The following ASS1 variants were observed in gnomAD, a reference collection of about 807,000 sequenced individuals.
The protein encoded by ASS1 is argininosuccinate synthase 1, also known as argininosuccinate synthase.
Under a neutral mutation model 60.5 loss-of-function variants are expected in ASS1, and 58 were observed. The observed-to-expected ratio is 0.96, with a 90% confidence interval of 0.78 to 1.19. The LOEUF is 1.19. Among genes scored for constraint, ASS1 ranks in the 50% most tolerant of loss-of-function variants. The pLI, the probability that ASS1 is intolerant of heterozygous loss-of-function variation, is 0.00. For missense variants in ASS1, 454 were observed against 547.3 expected (o/e 0.83, Z 1.70); for synonymous variants, 200 against 206.9 (o/e 0.97, Z 0.29).
rs1343459392 is a variant in ASS1, at chr9:130,452,340, G to A, written c.105+7G>A. On this transcript the variant is annotated splice_region_variant and intron_variant, in intron 2 of 14. Transcript: ENST00000352480. The stretch of plus-strand genomic sequence containing the variant: ...TGACGTCATTGCCTATCTGGTGAGG[G>A]AGCGACCTGGGTGTCTGTCTTCCTG... 3 of 1,611,850 alleles carry A rather than the reference G, an allele frequency of 1.9e-6. No individual in the cohort carries two copies. The highest frequency in any genetic ancestry group is 1.3e-5 in the African/African-American group (1 of 74,900).
chr9:130,464,693 C>T (rs1310486431), intron 5 of ASS1, among the ~76,000 whole-genome samples: 7 of 152,280 alleles, frequency 4.6e-5, no homozygotes, highest in African/African-American at 1.2e-4. Context: ...GGGCCTCAAC[C>T]GCCCTGGCCC....
chr9:130,490,057 G>A (rs1053530508), intron 12 of ASS1, among the ~76,000 whole-genome samples: 1 of 152,246 alleles, frequency 6.6e-6, no homozygotes, highest in Admixed American at 6.5e-5. Flanking sequence ...CACAGGGCCT[G>A]AGCCCTGTCA....
Position 130,464,182 on chromosome 9 carries a change from C to T in ASS1, c.420+15C>T. The T allele has an allele frequency of 6.2e-7, 1 of 1,613,872 alleles. No individual in the cohort carries two copies. Among genetic ancestry groups the T allele is most frequent in the Non-Finnish European group, 8.5e-7 (1 of 1,179,718 alleles). On this transcript the variant is annotated intron_variant, in intron 5 of 14. Coordinates refer to ENST00000352480, the MANE Select transcript of ASS1 (RefSeq NM_054012.4). ...CCCAGATAAAGGTAGGATGTGGCTC[C>T]TCCCCTTAGCAGGGAGCACTAGCAT...
chr9:130,466,898 G>A (rs922162940), intron 6 of ASS1, 99 bp downstream of exon 6: 4 of 1,377,050 alleles, frequency 2.9e-6, no homozygotes, highest in African/African-American at 2.9e-5. Context: ...CCTAGGCCGG[G>A]ACTGACCCCA....
chr9:130,464,301 G>A (rs2131879879), intron 5 of ASS1, 134 bp downstream of exon 5: 3 of 1,110,608 alleles, frequency 2.7e-6, no homozygotes, highest in Non-Finnish European at 4.0e-6. Flanking sequence ...CCCATCGGGT[G>A]GACAGCCTGC....
intron 1 of ASS1, among the ~76,000 whole-genome samples, chr9:130,448,444 AC>A (rs1845250507): frequency 3.4e-5 from 5 of 146,400 alleles, no homozygotes; most frequent in South Asian, 2.2e-4. Context: ...ACACACACAC[AC>A]TGTCTCAGGT....
chr9:130,486,591 A>G (rs1846310736), intron 11 of ASS1, among the ~76,000 whole-genome samples: 1 of 152,178 alleles, frequency 6.6e-6, no homozygotes, highest in East Asian at 1.9e-4. Context: ...GAGGGATTTG[A>G]GGGCTTGGAT....
rs1202617472 is a variant in ASS1 at position 130,489,172 on chromosome 9, G to A, written c.839-161G>A. On this transcript the variant is annotated intron_variant, in intron 11 of 14. Transcript: ENST00000352480. This position sits in a 1 kb window ranked among gnomAD's most constrained non-coding sequence, Gnocchi z 4.1. ...CCCCAGCATGAACATAATGACAGAT[G>A]CATTTTGCAGCAAGCTGGGAGTGAA... Among the ~76,000 whole-genome samples the A allele has an allele frequency of 1.3e-5, 2 of 152,036 alleles. No homozygotes were observed. Among genetic ancestry groups the A allele is most frequent in the African/African-American group, 4.8e-5 (2 of 41,416 alleles).
At position 130,477,537 on chromosome 9, in the gene ASS1, C is replaced by T. The variant is rs1165490179; in HGVS notation, c.688+576C>T. Among the ~76,000 whole-genome samples, 7 of 152,214 alleles carry T rather than the reference C, an allele frequency of 4.6e-5. No homozygotes were observed. The highest frequency in any genetic ancestry group is 7.2e-5 in the African/African-American group (3 of 41,440). On this transcript the variant is annotated intron_variant, in intron 9 of 14. Transcript: ENST00000352480. This position sits in a 1 kb window ranked among gnomAD's most constrained non-coding sequence, Gnocchi z 4.2. Reference sequence around the variant, plus strand: ...CCTCGGCAGTGGAGGCTGTCCTGATCGCTCCCTCCTTCTCACTGCTGTCAA... The same window carrying T: ...CCTCGGCAGTGGAGGCTGTCCTGATTGCTCCCTCCTTCTCACTGCTGTCAA...
intron 1 of ASS1, among the ~76,000 whole-genome samples, chr9:130,446,414 G>A (rs1456389575): frequency 1.3e-5 from 2 of 152,108 alleles, no homozygotes; most frequent in Non-Finnish European, 2.9e-5. Flanking sequence ...TAGGCCCAAG[G>A]CCTAGGGCGG....
chr9:130,463,869 G>A (rs566054617), intron 4 of ASS1, among the ~76,000 whole-genome samples: 3 of 151,532 alleles, frequency 2.0e-5, no homozygotes, highest in African/African-American at 7.3e-5. Context: ...GGGGTCAGAT[G>A]TGTCCTGCAC....
chr9:130,454,383 G>A lies in ASS1; in HGVS notation c.174+10G>A, dbSNP rs371597908. On this transcript the variant is annotated intron_variant, in intron 3 of 14. Coordinates refer to ENST00000352480, the MANE Select transcript of ASS1 (RefSeq NM_054012.4). ...GCTTGGGGCCAAAAAGGTACCAGGC[G>A]GGAGGCAGGGATTTGGGCTGGGAGT... 133 of 1,612,752 alleles carry A rather than the reference G, an allele frequency of 8.2e-5. No homozygotes were observed. The highest frequency in any genetic ancestry group is 9.5e-5 in the Non-Finnish European group (112 of 1,179,344).
rs1481058496 is a variant in ASS1, at chr9:130,476,580, C to G, written c.598-291C>G. On this transcript the variant is annotated intron_variant, in intron 8 of 14. Transcript: ENST00000352480. The surrounding 1 kb of genome is among the most constrained non-coding windows in gnomAD (Gnocchi z 4.9). ...CCTCCAAAGTCACACTTTTTCCTGC[C>G]TGACTTGTTCCTCTCCAGCTATTCT... The G allele has an allele frequency of 1.1e-5, 6 of 536,360 alleles. No individual in the cohort carries two copies. Among genetic ancestry groups the G allele is most frequent in the Non-Finnish European group, 1.3e-5 (4 of 296,320 alleles). 33.2% of individuals were successfully genotyped at this position (536,360 alleles called of 1,614,324 possible).
chr9:130,467,154 G>A (rs1294199287), intron 6 of ASS1, among the ~76,000 whole-genome samples: 2 of 152,090 alleles, frequency 1.3e-5, no homozygotes, highest in Admixed American at 6.5e-5. Flanking sequence ...GTCACTTGGG[G>A]GGATGGCTGG....
intron 3 of ASS1, 109 bp downstream of exon 3, chr9:130,454,482 C>A: frequency 8.4e-7 from 1 of 1,191,012 alleles, no homozygotes. Flanking sequence ...TGTCTTCTTG[C>A]TTCTAAGAGT....
intron 12 of ASS1, among the ~76,000 whole-genome samples, chr9:130,490,525 G>A (rs1158754684): frequency 6.6e-6 from 1 of 152,060 alleles, no homozygotes; most frequent in African/African-American, 2.4e-5. Flanking sequence ...TGTTGGCCAG[G>A]CTGGTCTCGA....
chr9:130,484,974 G>A (rs1038043088), intron 11 of ASS1, among the ~76,000 whole-genome samples: 11 of 152,320 alleles, frequency 7.2e-5, no homozygotes, highest in East Asian at 5.8e-4. Flanking sequence ...TGAGCCCTCC[G>A]GAGGCTGCCT....
chr9:130,489,525 C>G lies in ASS1; in HGVS notation c.970+61C>G. 1.9e-6 allele frequency: 3 copies of G among 1,612,362 alleles called. No individual in the cohort carries two copies. The stretch of plus-strand genomic sequence containing the variant: ...CTCACAAGGGATCCCAAAGTACTAT[C>G]AGGCTCTCGGGCCTGGCCCTCCCCT... On this transcript the variant is annotated intron_variant, in intron 12 of 14. Transcript: ENST00000352480. The surrounding 1 kb of genome is among the most constrained non-coding windows in gnomAD (Gnocchi z 4.1).
At chr9:130,454,512 A>G in intron 3 of ASS1, 139 bp downstream of exon 3, 1 of 964,612 alleles carries the variant, frequency 1.0e-6, no homozygotes, top group Admixed American at 2.2e-5. Flanking sequence ...TCCTGCTCTC[A>G]GGTGTGTGAA....
Sources: gnomAD v4.1 joint callset for allele counts (sites outside exome capture counted in the v4.1 genomes callset) on GRCh38, gnomAD v4.1.1 for gene constraint, Gnocchi (gnomAD v3.1) non-coding constraint, MANE v1.5 for transcripts, NCBI Gene and HGNC (gene_info 2026-07-23, HGNC 2026-07-21) for gene names.